CCDC170: variants seen among roughly 807,000 people sequenced by gnomAD.
The protein encoded by CCDC170 is coiled-coil domain containing 170, also known as coiled-coil domain-containing protein 170.
CCDC170 carries 69 observed loss-of-function variants against 72.6 expected under a neutral mutation model. That is an observed-to-expected ratio of 0.95 (90% confidence interval 0.78 to 1.16). The LOEUF (loss-of-function observed/expected upper bound fraction) is 1.16. Among genes scored for constraint, CCDC170 ranks in the 50% most tolerant of loss-of-function variants. The pLI, the probability that CCDC170 is intolerant of heterozygous loss-of-function variation, is 0.00. For synonymous variants in CCDC170, 300 were observed against 303.9 expected (o/e 0.99, Z 0.13); for missense variants, 852 against 832.5 (o/e 1.02, Z -0.29).
intron 5 of CCDC170, among the ~76,000 whole-genome samples, chr6:151,558,232 G>GTTTTTTTTT (rs55648936): frequency 2.1e-4 from 15 of 70,868 alleles, no homozygotes; most frequent in African/African-American, 5.2e-4. Context: ...TGAGATTAGT[G>GTTTTTTTTT]TTTTTTTTTT....
chr6:151,536,052 A>G (rs907078972), intron 1 of CCDC170, among the ~76,000 whole-genome samples: 6 of 152,126 alleles, frequency 3.9e-5, no homozygotes, highest in African/African-American at 7.2e-5. Context: ...GAGCCAACAC[A>G]CTCTGCCATA....
intron 3 of CCDC170, among the ~76,000 whole-genome samples, chr6:151,539,803 G>T (rs75492751): frequency 3.3e-5 from 5 of 152,162 alleles, no homozygotes; most frequent in African/African-American, 1.2e-4. Flanking sequence ...AGCTCCCAGT[G>T]TTCCCACAAA....
intron 1 of CCDC170, among the ~76,000 whole-genome samples, chr6:151,530,426 T>A (rs1257625598): frequency 6.7e-6 from 1 of 149,886 alleles, no homozygotes; most frequent in South Asian, 2.1e-4. Context: ...ATATGATTAA[T>A]AATGATAATA....
chr6:151,607,206 A>G (rs75537936), intron 9 of CCDC170, among the ~76,000 whole-genome samples: 8,483 of 151,916 alleles, frequency 0.056, 299 homozygotes, highest in South Asian at 0.096. Context: ...GTGTGGGTCT[A>G]CGGGGGTTGA....
intron 1 of CCDC170, among the ~76,000 whole-genome samples, chr6:151,516,918 A>T (rs1318620216): frequency 6.6e-6 from 1 of 152,216 alleles, no homozygotes; most frequent in Non-Finnish European, 1.5e-5. Context: ...GAGAAGATGA[A>T]CATGCCTAGT....
chr6:151,610,599 A>G (rs758071155), intron 9 of CCDC170, among the ~76,000 whole-genome samples: 17 of 152,214 alleles, frequency 1.1e-4, no homozygotes, highest in Non-Finnish European at 2.5e-4. Context: ...TGACCACAAT[A>G]CAATCAGCAC....
Position 151,573,572 on chromosome 6 carries a change from T to TA in CCDC170, c.1092+82dup, listed in dbSNP as rs948726959. The stretch of plus-strand genomic sequence containing the variant: ...AGCATGCTCAGTGACTGTATTAGTC[T>TA]ATTCTCACGCTGCTATAAGAAATAC... On this transcript the variant is annotated intron_variant, in intron 6 of 10. Coordinates refer to ENST00000239374, the MANE Select transcript of CCDC170 (RefSeq NM_025059.4). The TA allele has an allele frequency of 2.3e-6, 3 of 1,296,242 alleles. No individual in the cohort carries two copies. In the African/African-American group the frequency reaches 4.4e-5, roughly 19 times the overall value. The allele number at this position is 1,296,242 out of a possible 1,614,324, so 80.3% of individuals were successfully genotyped here. A position where few individuals can be genotyped will look rare whatever the true frequency, so the allele number is the denominator to read the frequency against.
intron 6 of CCDC170, among the ~76,000 whole-genome samples, chr6:151,581,436 G>A (rs777775517): frequency 5.1e-4 from 77 of 152,248 alleles, no homozygotes; most frequent in Non-Finnish European, 7.8e-4. Context: ...TGATCATGAG[G>A]TTACAGCAAT....
chr6:151,538,577 G>A (rs1008803581), intron 3 of CCDC170, among the ~76,000 whole-genome samples: 5 of 152,110 alleles, frequency 3.3e-5, no homozygotes, highest in African/African-American at 9.7e-5. Context: ...ACACAATTTC[G>A]AAGATTTCTC....
intron 1 of CCDC170, among the ~76,000 whole-genome samples, chr6:151,510,127 GCCC>G (rs1782127751): frequency 2.6e-5 from 4 of 152,010 alleles, no homozygotes; most frequent in African/African-American, 7.3e-5. Flanking sequence ...AAACAAACAA[GCCC>G]ATAAAACAAA....
At chr6:151,529,371 T>C (rs938054667) in intron 1 of CCDC170, among the ~76,000 whole-genome samples, 1 of 152,116 alleles carries the variant, frequency 6.6e-6, no homozygotes, top group African/African-American at 2.4e-5. Flanking sequence ...TTACTAATAA[T>C]TGTATTCCTG....
intron 3 of CCDC170, among the ~76,000 whole-genome samples, chr6:151,543,106 T>A (rs910990670): frequency 5.3e-5 from 8 of 152,194 alleles, no homozygotes; most frequent in Non-Finnish European, 1.0e-4. Context: ...AAAATGACAC[T>A]AAATTACTGA....
At chr6:151,551,021 G>A (rs1385666787) in intron 5 of CCDC170, among the ~76,000 whole-genome samples, 1 of 151,994 alleles carries the variant, frequency 6.6e-6, no homozygotes, top group East Asian at 1.9e-4. Flanking sequence ...ACTTTTAATG[G>A]CATCAACCTA....
intron 6 of CCDC170, among the ~76,000 whole-genome samples, chr6:151,583,537 A>G (rs1226470765): frequency 6.6e-6 from 1 of 151,916 alleles, no homozygotes; most frequent in African/African-American, 2.4e-5. Flanking sequence ...GGCTCACTAC[A>G]ACCTCTGCCT....
chr6:151,617,660 T>C (rs1352316389), intron 10 of CCDC170, among the ~76,000 whole-genome samples: 1 of 152,054 alleles, frequency 6.6e-6, no homozygotes, highest in Non-Finnish European at 1.5e-5. Context: ...CTTAGTGAGG[T>C]CTGGGTCTCA....
intron 5 of CCDC170, among the ~76,000 whole-genome samples, chr6:151,562,503 A>T (rs182664960): frequency 6.6e-6 from 1 of 152,180 alleles, no homozygotes; most frequent in Admixed American, 6.5e-5. Flanking sequence ...TTGGTTGTGG[A>T]TAGCTTCTGT....
At chr6:151,558,232 G>GTTTTTTTTTTTTT (rs55648936) in intron 5 of CCDC170, among the ~76,000 whole-genome samples, 3 of 70,880 alleles carry the variant, frequency 4.2e-5, no homozygotes, top group African/African-American at 5.8e-5. Context: ...TGAGATTAGT[G>GTTTTTTTTTTTTT]TTTTTTTTTT....
At chr6:151,576,978 A>G (rs1403121633) in intron 6 of CCDC170, among the ~76,000 whole-genome samples, 1 of 152,024 alleles carries the variant, frequency 6.6e-6, no homozygotes, top group Non-Finnish European at 1.5e-5. Context: ...CCCCTGTGCT[A>G]TCCATTTTTC....
At chr6:151,566,098 T>A (rs1583029256) in intron 5 of CCDC170, among the ~76,000 whole-genome samples, 1 of 152,350 alleles carries the variant, frequency 6.6e-6, no homozygotes, top group Non-Finnish European at 1.5e-5. Context: ...TTGTCAATGT[T>A]GAGAATTTCA....
Sources: gnomAD v4.1 joint callset for allele counts (sites outside exome capture counted in the v4.1 genomes callset) on GRCh38, gnomAD v4.1.1 for gene constraint, MANE v1.5 for transcripts, NCBI Gene and HGNC (gene_info 2026-07-23, HGNC 2026-07-21) for gene names.